CCSER1: variants seen among roughly 807,000 people sequenced by gnomAD.
CCSER1 encodes the protein serine-rich coiled-coil domain-containing protein 1.
A neutral mutation model predicts 82.0 loss-of-function variants in CCSER1; 41 were observed. The ratio of observed to expected loss-of-function variants is 0.50; its 90% confidence interval spans 0.39 to 0.65. CCSER1 has a LOEUF of 0.65. Ranked by LOEUF, CCSER1 falls within the 30% of genes least tolerant of loss-of-function variation. CCSER1 has a pLI of 0.00. For missense variants in CCSER1, 1,119 were observed against 1,064.2 expected (o/e 1.05, Z -0.72); for synonymous variants, 414 against 383.9 (o/e 1.08, Z -0.92).
intron 1 of CCSER1, among the ~76,000 whole-genome samples, chr4:90,274,150 C>A (rs1318401522): frequency 6.6e-6 from 1 of 152,128 alleles, no homozygotes; most frequent in Non-Finnish European, 1.5e-5. Context: ...AACTCCCTGT[C>A]TGTCCCATCC....
At chr4:90,416,578 T>A (rs1755825616) in intron 4 of CCSER1, among the ~76,000 whole-genome samples, 1 of 152,128 alleles carries the variant, frequency 6.6e-6, no homozygotes, top group African/African-American at 2.4e-5. Context: ...CAAAATAGGG[T>A]AAGAGCCCAG....
chr4:90,467,945 A>G (rs527488416), intron 4 of CCSER1, among the ~76,000 whole-genome samples: 1 of 152,236 alleles, frequency 6.6e-6, no homozygotes, highest in East Asian at 1.9e-4. Flanking sequence ...CTGTTTATGT[A>G]TAACTTAAGC....
intron 3 of CCSER1, among the ~76,000 whole-genome samples, chr4:90,341,044 G>T (rs1741284010): frequency 6.6e-6 from 1 of 152,094 alleles, no homozygotes; most frequent in East Asian, 1.9e-4. Flanking sequence ...TGTAAAGAGA[G>T]CTGTGATATA....
chr4:91,160,822 A>G (rs915355949), intron 10 of CCSER1, among the ~76,000 whole-genome samples: 12 of 151,976 alleles, frequency 7.9e-5, no homozygotes, highest in African/African-American at 2.4e-4. Context: ...AGATGGGTAG[A>G]TTGCCAAAAT....
intron 8 of CCSER1, among the ~76,000 whole-genome samples, chr4:90,913,441 T>C (rs1726763386): frequency 6.6e-6 from 1 of 152,124 alleles, no homozygotes; most frequent in South Asian, 2.1e-4. Flanking sequence ...AAGCAAATGC[T>C]GAGAGATTTT....
At chr4:90,746,787 T>G (rs1747552991) in intron 7 of CCSER1, among the ~76,000 whole-genome samples, 1 of 152,218 alleles carries the variant, frequency 6.6e-6, no homozygotes, top group South Asian at 2.1e-4. Context: ...TCTGTTTGCT[T>G]AGATTATTCA....
At chr4:90,869,608 T>G (rs1766182089) in intron 8 of CCSER1, among the ~76,000 whole-genome samples, 1 of 151,984 alleles carries the variant, frequency 6.6e-6, no homozygotes, top group Non-Finnish European at 1.5e-5. Flanking sequence ...TACTATAGCT[T>G]TGTAGCGTTA....
At chr4:91,117,961 T>C (rs975995706) in intron 10 of CCSER1, among the ~76,000 whole-genome samples, 3 of 152,216 alleles carry the variant, frequency 2.0e-5, no homozygotes, top group Non-Finnish European at 4.4e-5. Context: ...CCATCTTTGA[T>C]ATTTTAAAAT....
At chr4:90,765,939 G>T (rs1030888506) in intron 7 of CCSER1, among the ~76,000 whole-genome samples, 1 of 152,080 alleles carries the variant, frequency 6.6e-6, no homozygotes, top group Non-Finnish European at 1.5e-5. Context: ...ACCTGTTTGA[G>T]AATTTTTAAG....
intron 10 of CCSER1, among the ~76,000 whole-genome samples, chr4:91,580,197 T>C (rs1451215978): frequency 6.6e-6 from 1 of 151,890 alleles, no homozygotes; most frequent in African/African-American, 2.4e-5. Context: ...ATAGTTGTAC[T>C]TTATTAATGA....
intron 3 of CCSER1, among the ~76,000 whole-genome samples, chr4:90,341,820 T>C (rs1741430077): frequency 6.6e-6 from 1 of 152,180 alleles, no homozygotes; most frequent in Non-Finnish European, 1.5e-5. Context: ...ATCATGGAGA[T>C]TAAATGAGAC....
intron 3 of CCSER1, among the ~76,000 whole-genome samples, chr4:90,363,936 TA>T (rs1190803072): frequency 6.6e-6 from 1 of 152,064 alleles, no homozygotes; most frequent in Non-Finnish European, 1.5e-5. Flanking sequence ...TGGTATCCCA[TA>T]AAAAATGTTT....
At chr4:91,088,856 T>C (rs1581525875) in intron 10 of CCSER1, among the ~76,000 whole-genome samples, 1 of 150,332 alleles carries the variant, frequency 6.7e-6, no homozygotes, top group East Asian at 2.0e-4. Flanking sequence ...AGATAAGTCA[T>C]TTTTTTTTTC....
chr4:91,356,506 G>A (rs1578254375), intron 10 of CCSER1, among the ~76,000 whole-genome samples: 1 of 152,160 alleles, frequency 6.6e-6, no homozygotes, highest in African/African-American at 2.4e-5. Flanking sequence ...CCTATAAGGG[G>A]CTTCTCTTGC....
intron 7 of CCSER1, among the ~76,000 whole-genome samples, chr4:90,779,578 A>G (rs1457309762): frequency 6.6e-6 from 1 of 152,196 alleles, no homozygotes; most frequent in Non-Finnish European, 1.5e-5. Flanking sequence ...TATGAGTTCA[A>G]GCTCACACCA....
At chr4:90,243,320 C>G (rs1196865097) in intron 1 of CCSER1, among the ~76,000 whole-genome samples, 1 of 152,080 alleles carries the variant, frequency 6.6e-6, no homozygotes, top group Non-Finnish European at 1.5e-5. Flanking sequence ...ACAATCTAGA[C>G]TCACTGCAAC....
intron 7 of CCSER1, among the ~76,000 whole-genome samples, chr4:90,808,466 G>C (rs1288900822): frequency 1.3e-5 from 2 of 152,042 alleles, no homozygotes; most frequent in Non-Finnish European, 1.5e-5. Context: ...CTTATAGAAT[G>C]AGAGAAAATA....
chr4:90,339,488 C>A (rs1740996810), intron 3 of CCSER1, among the ~76,000 whole-genome samples: 1 of 152,210 alleles, frequency 6.6e-6, no homozygotes, highest in Non-Finnish European at 1.5e-5. Flanking sequence ...CTACACAATT[C>A]CATTCCTTGC....
intron 8 of CCSER1, among the ~76,000 whole-genome samples, chr4:90,816,639 T>A (rs1421661926): frequency 6.6e-6 from 1 of 152,048 alleles, no homozygotes; most frequent in East Asian, 1.9e-4. Flanking sequence ...ACACTAATAA[T>A]AGATTAAAGA....
Sources: gnomAD v4.1 joint callset for allele counts (sites outside exome capture counted in the v4.1 genomes callset) on GRCh38, gnomAD v4.1.1 for gene constraint, MANE v1.5 for transcripts, NCBI Gene and HGNC (gene_info 2026-07-23, HGNC 2026-07-21) for gene names.